NRG3: variants seen among roughly 807,000 people sequenced by gnomAD.
NRG3 encodes pro-neuregulin-3, membrane-bound isoform.
A neutral mutation model predicts 66.9 loss-of-function variants in NRG3; 31 were observed. The observed-to-expected ratio is 0.46, with a 90% CI of 0.35 to 0.63. The LOEUF is 0.63. Ranked by LOEUF, NRG3 falls within the 20% of genes least tolerant of loss-of-function variation. NRG3 has a pLI of 0.00. For synonymous variants in NRG3, 393 were observed against 359.4 expected, an observed-to-expected ratio of 1.09 and a Z score of -1.06; for missense variants, 910 against 878.9, an observed-to-expected ratio of 1.04 and a Z score of -0.45.
chr10:82,688,259 C>A (rs1318027180), intron 2 of NRG3, among the ~76,000 whole-genome samples: 1 of 152,210 alleles, frequency 6.6e-6, no homozygotes, highest in East Asian at 1.9e-4. Context: ...TATGTACTTA[C>A]ATGTCTAATC....
intron 2 of NRG3, among the ~76,000 whole-genome samples, chr10:82,523,539 T>G (rs1846406645): frequency 6.6e-6 from 1 of 152,126 alleles, no homozygotes; most frequent in Non-Finnish European, 1.5e-5. Flanking sequence ...GAATATCGAT[T>G]CATATCCCTC....
intron 1 of NRG3, among the ~76,000 whole-genome samples, chr10:82,015,407 C>T (rs754710004): frequency 6.6e-6 from 1 of 152,096 alleles, no homozygotes; most frequent in Non-Finnish European, 1.5e-5. Context: ...GGGAACAAAT[C>T]TCATCAATAT....
At chr10:82,257,086 A>G (rs1359491451) in intron 1 of NRG3, among the ~76,000 whole-genome samples, 1 of 152,212 alleles carries the variant, frequency 6.6e-6, no homozygotes, top group African/African-American at 2.4e-5. Context: ...TGATTGCAAG[A>G]TAGTCTTAAA....
intron 3 of NRG3, among the ~76,000 whole-genome samples, chr10:82,835,947 G>A (rs940813382): frequency 1.3e-5 from 2 of 152,116 alleles, no homozygotes; most frequent in African/African-American, 2.4e-5. Flanking sequence ...CAAGAGAAAG[G>A]ACTGTTTAGA....
intron 1 of NRG3, among the ~76,000 whole-genome samples, chr10:82,025,522 G>T (rs1438976682): frequency 6.6e-6 from 1 of 151,800 alleles, no homozygotes; most frequent in Non-Finnish European, 1.5e-5. Context: ...CTGGTCAAAG[G>T]ACATAAATAT....
intron 2 of NRG3, among the ~76,000 whole-genome samples, chr10:82,706,948 C>T (rs1811966): frequency 6.7e-6 from 1 of 149,960 alleles, no homozygotes; most frequent in African/African-American, 2.5e-5. Flanking sequence ...GAGCTGAGAT[C>T]GCACCACTGC....
chr10:82,559,145 T>G (rs1446305059), intron 2 of NRG3, among the ~76,000 whole-genome samples: 1 of 152,164 alleles, frequency 6.6e-6, no homozygotes, highest in Non-Finnish European at 1.5e-5. Flanking sequence ...ATGTATTTTT[T>G]TTTCTCTTTC....
At chr10:82,213,922 C>T (rs895541529) in intron 1 of NRG3, among the ~76,000 whole-genome samples, 5 of 152,018 alleles carry the variant, frequency 3.3e-5, no homozygotes, top group African/African-American at 1.2e-4. Flanking sequence ...TTGGTAAGAA[C>T]CCTGGTTCTG....
At chr10:82,849,663 A>G (rs1344019559) in intron 3 of NRG3, among the ~76,000 whole-genome samples, 1 of 152,220 alleles carries the variant, frequency 6.6e-6, no homozygotes, top group Admixed American at 6.5e-5. Flanking sequence ...AATGTCTGAA[A>G]GAAGAGCATT....
chr10:82,611,316 A>T (rs987575215), intron 2 of NRG3, among the ~76,000 whole-genome samples: 48 of 151,870 alleles, frequency 3.2e-4, no homozygotes, highest in African/African-American at 1.1e-3. Flanking sequence ...GGTGCACAAC[A>T]TGCAGGTTTG....
chr10:82,615,058 A>G (rs1216078809), intron 2 of NRG3, among the ~76,000 whole-genome samples: 2 of 152,190 alleles, frequency 1.3e-5, no homozygotes, highest in East Asian at 1.9e-4. Flanking sequence ...AACAAGATTT[A>G]GACACCTGTG....
intron 3 of NRG3, among the ~76,000 whole-genome samples, chr10:82,825,319 T>C (rs541647828): frequency 1.3e-5 from 2 of 152,388 alleles, no homozygotes; most frequent in South Asian, 4.1e-4. Context: ...TATTTATATC[T>C]TTGATACATC....
At chr10:82,503,557 G>C (rs1210796714) in intron 2 of NRG3, among the ~76,000 whole-genome samples, 1 of 152,126 alleles carries the variant, frequency 6.6e-6, no homozygotes, top group African/African-American at 2.4e-5. Context: ...GCAAATTGTG[G>C]GCACTGTGGT....
At chr10:82,061,872 A>ATCTC (rs1564782372) in intron 1 of NRG3, among the ~76,000 whole-genome samples, 1 of 127,614 alleles carries the variant, frequency 7.8e-6, no homozygotes, top group African/African-American at 2.8e-5. Flanking sequence ...CACACACACA[A>ATCTC]ACACACACAC....
intron 1 of NRG3, among the ~76,000 whole-genome samples, chr10:82,217,719 A>G (rs1215088086): frequency 2.0e-5 from 3 of 152,162 alleles, no homozygotes; most frequent in Admixed American, 2.0e-4. Flanking sequence ...GTGTGCTCCC[A>G]TGTCTGAGCA....
chr10:82,565,610 GT>G (rs1488776907), intron 2 of NRG3, among the ~76,000 whole-genome samples: 1 of 151,958 alleles, frequency 6.6e-6, no homozygotes, highest in East Asian at 1.9e-4. Flanking sequence ...GCTGATTTTT[GT>G]TTTTTGATCG....
At chr10:81,980,594 A>T (rs1003936500) in intron 1 of NRG3, among the ~76,000 whole-genome samples, 1 of 152,220 alleles carries the variant, frequency 6.6e-6, no homozygotes, top group African/African-American at 2.4e-5. Flanking sequence ...CAGACACTAT[A>T]TACAAAATGG....
intron 1 of NRG3, among the ~76,000 whole-genome samples, chr10:81,947,768 T>C (rs747310685): frequency 6.6e-6 from 1 of 152,072 alleles, no homozygotes; most frequent in South Asian, 2.1e-4. Flanking sequence ...GTAGCTAATA[T>C]GACAAAAGTG....
At chr10:82,046,201 C>G (rs1221576346) in intron 1 of NRG3, among the ~76,000 whole-genome samples, 1 of 148,110 alleles carries the variant, frequency 6.8e-6, no homozygotes, top group Non-Finnish European at 1.5e-5. Context: ...TACCCATGAG[C>G]ATGGAATGTT....
Sources: allele counts gnomAD v4.1 joint callset (sites outside exome capture counted in the v4.1 genomes callset), GRCh38; gene constraint gnomAD v4.1.1; transcripts MANE v1.5; gene names NCBI Gene and HGNC (gene_info 2026-07-23, HGNC 2026-07-21).